The following ZNF532 variants were observed in gnomAD, a reference collection of about 807,000 sequenced individuals.
The protein encoded by ZNF532 is zinc finger protein 532.
ZNF532 carries 22 observed loss-of-function variants against 89.3 expected under a neutral mutation model. The ratio of observed to expected loss-of-function variants is 0.25; its 90% CI spans 0.18 to 0.35. The LOEUF (loss-of-function observed/expected upper bound fraction) is 0.35, where lower values mean the gene tolerates loss of function less well. Among genes scored for constraint, ZNF532 ranks in the 10% least tolerant of loss-of-function variants. The pLI is 1.00. For synonymous variants in ZNF532, 606 were observed against 649.6 expected (o/e 0.93, Z 1.02); for missense variants, 1,132 against 1,643.4 (o/e 0.69, Z 5.38).
At chr18:58,880,736 T>G in intron 2 of ZNF532, among the ~76,000 whole-genome samples, 1 of 102,674 alleles carries the variant, frequency 9.7e-6, no homozygotes, top group Non-Finnish European at 2.3e-5. Flanking sequence ...AGATGTATAT[T>G]TGAGCCCTCT....
chr18:58,981,579 A>G lies in ZNF532; in HGVS notation c.3373A>G (p.Thr1125Ala). Residue 1125 changes from threonine to alanine, a missense_variant, in exon 9 of 10, where the codon ACC (threonine) becomes GCC (alanine). This residue lies in a region of ZNF532 where 415 missense variants were observed against 604.8 expected (regional missense o/e 0.69). Transcript: ENST00000591808. ...DPDLKEMTDA[T>A]NEEETEIKED... ...TGACCTGAAAGAAATGACAGATGCC[A>G]CCAATGAGGAGGAAACAGAAATAAA... 1 of 1,614,226 alleles carries G rather than the reference A, an allele frequency of 6.2e-7. No homozygotes were observed.
chr18:58,924,635 T>C (rs1481876920), intron 3 of ZNF532, among the ~76,000 whole-genome samples: 1 of 152,222 alleles, frequency 6.6e-6, no homozygotes, highest in African/African-American at 2.4e-5. Context: ...AGAGAACTTG[T>C]ATACCCTTCA....
chr18:58,951,653 T>TTTTTGGTTTTC (rs1555746591), intron 6 of ZNF532, among the ~76,000 whole-genome samples: 1 of 139,860 alleles, frequency 7.2e-6, no homozygotes, highest in African/African-American at 2.7e-5. Context: ...GTTGTTTTTT[T>TTTTTGGTTTTC]TTTTTTTTTT....
intron 2 of ZNF532, among the ~76,000 whole-genome samples, chr18:58,878,268 A>G (rs1460694450): frequency 2.4e-5 from 3 of 123,038 alleles, no homozygotes; most frequent in African/African-American, 1.0e-4. Context: ...AAACAAAAAA[A>G]ACAAAACGAA....
At chr18:58,952,441 G>A (rs996519528) in intron 6 of ZNF532, among the ~76,000 whole-genome samples, 1 of 152,062 alleles carries the variant, frequency 6.6e-6, no homozygotes, top group African/African-American at 2.4e-5. Flanking sequence ...GTCTTGCTCT[G>A]TTGCCCAGGC....
At chr18:58,886,198 C>G (rs546083511) in intron 2 of ZNF532, among the ~76,000 whole-genome samples, 1 of 152,222 alleles carries the variant, frequency 6.6e-6, no homozygotes, top group East Asian at 1.9e-4. Context: ...CCAGGCTGGT[C>G]TCGAACTCCT....
rs1437174602 is a variant in ZNF532, at chr18:58,934,526, C to T, written c.2440C>T (p.Pro814Ser). ...TCAGCACAAATCTCCCTACACCTGC[C>T]CTGAGTGTGGGGCCATCTGCAGGTC... ...IHQHKSPYTC[P>S]ECGAICRSVH... The change falls in exon 4 of 10, where the codon CCT becomes TCT. Residue 814 changes from proline (P) to serine (S), a missense_variant. This residue lies in a region of ZNF532 where 1 missense variants were observed against 24.8 expected (regional missense o/e 0.04). Transcript: ENST00000591808. 1 of 1,614,016 alleles carries T rather than the reference C, an allele frequency of 6.2e-7. No individual in the cohort carries two copies. Among genetic ancestry groups the T allele is most frequent in the Non-Finnish European group, 8.5e-7 (1 of 1,179,992 alleles).
intron 3 of ZNF532, among the ~76,000 whole-genome samples, chr18:58,921,903 C>G (rs150954651): frequency 1.3e-5 from 2 of 151,998 alleles, no homozygotes; most frequent in Non-Finnish European, 2.9e-5. Flanking sequence ...CTCAGGAGTT[C>G]GAGACCAGCC....
chr18:58,977,330 CGAA>C (rs1254414578), intron 7 of ZNF532, among the ~76,000 whole-genome samples: 4 of 152,134 alleles, frequency 2.6e-5, no homozygotes, highest in Non-Finnish European at 5.9e-5. Flanking sequence ...CCCGTGTTCT[CGAA>C]GCGTCCTGGG....
In ZNF532 at chr18:58,901,835, A is replaced by T. The variant is rs571325721; in HGVS notation, c.-17-16436A>T. ...GATTTCTCTGTTGGCTTCGCACCCC[A>T]CCCTGCTCTCACAGCCTGCCTGGCT... On this transcript the variant is annotated intron_variant, in intron 2 of 9. Coordinates refer to ENST00000591808, the MANE Select transcript of ZNF532 (RefSeq NM_001375912.1). 2.0e-5 allele frequency among the ~76,000 whole-genome samples: 3 copies of T among 151,858 alleles called. No individual in the cohort carries two copies. In the East Asian group the frequency reaches 5.8e-4, roughly 30 times the overall value.
Position 58,880,763 on chromosome 18 carries a change from C to CGTGT in ZNF532, c.-18+15185_-18+15186insTGTG, listed in dbSNP as rs1555704697. On this transcript the variant is annotated intron_variant, in intron 2 of 9. Coordinates refer to ENST00000591808, the MANE Select transcript of ZNF532 (RefSeq NM_001375912.1). ...GAGCCCTCTCATAGGCGCGCGCGCA[C>CGTGT]GCGCGCGCGTCTGTGTGTGTGTGTG... Among the ~76,000 whole-genome samples, 9 of 119,688 alleles carry CGTGT rather than the reference C, an allele frequency of 7.5e-5. No homozygotes were observed. The East Asian group carries it at 1.8e-3, about 24-fold the overall frequency. The allele number at this position is 119,688 out of a possible 152,430, so 78.5% of individuals were successfully genotyped here. A position where few individuals can be genotyped will look rare whatever the true frequency, so the allele number is the denominator to read the frequency against.
intron 9 of ZNF532, among the ~76,000 whole-genome samples, chr18:58,983,177 CA>C (rs1446912946): frequency 1.3e-5 from 2 of 152,064 alleles, no homozygotes; most frequent in South Asian, 2.1e-4. Context: ...TGCACATGAA[CA>C]GAGCAGAAAA....
intron 2 of ZNF532, among the ~76,000 whole-genome samples, chr18:58,888,843 A>ATATATATAAAAAAT (rs1568247841): frequency 8.1e-5 from 4 of 49,490 alleles, no homozygotes; most frequent in Non-Finnish European, 6.3e-5. Context: ...TATATAATTT[A>ATATATATAAAAAAT]TATATATATA....
In ZNF532 at chr18:58,984,304, C is replaced by T. The variant is rs1461990658; in HGVS notation, c.3744C>T (p.Asn1248=). Residue 1248 remains asparagine (N), a synonymous_variant, in exon 10 of 10, where the codon AAC becomes AAT. Transcript: ENST00000591808. ...NGAGEDNQQE[N]KPSHEDESPD... is the part of the protein sequence containing the mutation. ...CTGGGGAAGATAACCAACAGGAGAA[C>T]AAACCCAGCCACGAGGATGAATCCC... The T allele has an allele frequency of 3.1e-6, 5 of 1,611,846 alleles. No homozygotes were observed. Among genetic ancestry groups the T allele is most frequent in the African/African-American group, 1.3e-5 (1 of 74,824 alleles).
chr18:58,906,792 G>T (rs1405049497), intron 2 of ZNF532, among the ~76,000 whole-genome samples: 2 of 152,150 alleles, frequency 1.3e-5, no homozygotes, highest in South Asian at 4.1e-4. Flanking sequence ...GCTTCTTTAT[G>T]TGATCTGAAT....
At chr18:58,954,000 T>C (rs1001469991) in intron 7 of ZNF532, 1 of 985,326 alleles carries the variant, frequency 1.0e-6, no homozygotes, top group African/African-American at 1.7e-5. Context: ...TTCCTGGTCA[T>C]TGCCTTCACA....
intron 5 of ZNF532, among the ~76,000 whole-genome samples, chr18:58,946,202 A>G (rs188495811): frequency 4.0e-5 from 6 of 151,550 alleles, no homozygotes; most frequent in Admixed American, 3.3e-4. Flanking sequence ...CATACATTCT[A>G]TCTTGTTATC....
At position 58,888,865 on chromosome 18, in the gene ZNF532, T is replaced by C. The variant is rs1254029968; in HGVS notation, c.-18+23286T>C. Reference sequence around the variant, plus strand: ...TTTATATATATATAATTTATATATATATAATATATATTATATATATATATT... The same window carrying C: ...TTTATATATATATAATTTATATATACATAATATATATTATATATATATATT... On this transcript the variant is annotated intron_variant, in intron 2 of 9. Transcript: ENST00000591808. Among the ~76,000 whole-genome samples the C allele has an allele frequency of 5.8e-5, 3 of 51,910 alleles. No individual in the cohort carries two copies. In the South Asian group the frequency reaches 1.9e-3, roughly 33 times the overall value. The allele number at this position is 51,910 out of a possible 152,430, so 34.1% of individuals were successfully genotyped here.
At position 58,919,447 on chromosome 18, in the gene ZNF532, A is replaced by T; in HGVS notation, c.1160A>T (p.Asp387Val). Reference sequence around the variant, plus strand: ...AGGGTATTGCCAGAAGTGGATCTTGACTCTGGAAAGAAACCTTCCGAGCAG... The same window carrying T: ...AGGGTATTGCCAGAAGTGGATCTTGTCTCTGGAAAGAAACCTTCCGAGCAG... ...VTRVLPEVDL[D>V]SGKKPSEQTA... The change falls in exon 3 of 10, where the codon GAC becomes GTC. Residue 387 changes from aspartate to valine, a missense_variant. By Grantham distance (152) the Asp-to-Val change is radical. Around this residue, in one of 9 missense-constraint regions of ZNF532, gnomAD observed 124 missense variants for 191.6 expected, o/e 0.65. Transcript: ENST00000591808. This position sits in a 1 kb window ranked among gnomAD's most constrained non-coding sequence, Gnocchi z 6.1. 6.2e-7 allele frequency: 1 copy of T among 1,613,932 alleles called. No homozygotes were observed. Among genetic ancestry groups the T allele is most frequent in the Non-Finnish European group, 8.5e-7 (1 of 1,179,974 alleles).
Sources: allele counts gnomAD v4.1 joint callset (sites outside exome capture counted in the v4.1 genomes callset), GRCh38; gene constraint gnomAD v4.1.1; regional missense constraint gnomAD v4.1.1; non-coding constraint Gnocchi (gnomAD v3.1); transcripts MANE v1.5; gene names NCBI Gene and HGNC (gene_info 2026-07-23, HGNC 2026-07-21).